Variants in ARHGAP17 observed in about 807,000 individuals in gnomAD.
ARHGAP17 encodes the protein Rho GTPase activating protein 17.
In ARHGAP17, 57 loss-of-function variants were observed where a neutral mutation model predicts 99.5. That is an observed-to-expected ratio of 0.57 (90% CI 0.46 to 0.71). ARHGAP17 has a LOEUF of 0.71. Ranked by LOEUF, ARHGAP17 falls within the 30% of genes least tolerant of loss-of-function variation. ARHGAP17 has a pLI of 0.00. For synonymous variants in ARHGAP17, 417 were observed against 429.6 expected (o/e 0.97, Z 0.36); for missense variants, 1,000 against 1,122.4 (o/e 0.89, Z 1.56).
At chr16:24,932,307 T>C (rs1222370982) in intron 18 of ARHGAP17, among the ~76,000 whole-genome samples, 2 of 152,172 alleles carry the variant, frequency 1.3e-5, no homozygotes, top group African/African-American at 4.8e-5. Flanking sequence ...ATTTTAAAAA[T>C]TAAGTACATT....
intron 19 of ARHGAP17, among the ~76,000 whole-genome samples, chr16:24,929,043 G>A (rs559219778): frequency 3.2e-4 from 49 of 152,214 alleles, no homozygotes; most frequent in African/African-American, 1.2e-3. Flanking sequence ...CGTGCTGACT[G>A]CACCTGGGTC....
chr16:24,959,458 G>A (rs1034072033), intron 9 of ARHGAP17, among the ~76,000 whole-genome samples: 7 of 152,194 alleles, frequency 4.6e-5, no homozygotes, highest in African/African-American at 1.2e-4. Flanking sequence ...GGTTTCAGAA[G>A]AACTACAAAT....
chr16:25,012,075 A>G (rs1018599635), intron 1 of ARHGAP17, among the ~76,000 whole-genome samples: 1 of 152,138 alleles, frequency 6.6e-6, no homozygotes, highest in Non-Finnish European at 1.5e-5. Flanking sequence ...CCATGCCCGT[A>G]TTCACCTTTG....
In ARHGAP17 at chr16:24,977,316, C is replaced by A; in HGVS notation, c.97G>T (p.Glu33Ter). 1 of 1,580,914 alleles carries A rather than the reference C, an allele frequency of 6.3e-7. No homozygotes were observed. The highest frequency in any genetic ancestry group is 1.2e-5 in the South Asian group (1 of 86,820). The change falls in exon 3 of 20, where the codon GAG (glutamate) becomes TAG (stop). Residue 33 changes from glutamate (E) to a stop codon, truncating the protein, a stop_gained. Transcript: ENST00000289968. LOFTEE classifies it high-confidence loss of function. ...EVLSEDLLQI[E>*]RRLDTVRSIC... is the part of the protein sequence containing the mutation. The stretch of plus-strand genomic sequence containing the variant: ...GACCGCACCGTGTCCAGGCGTCTCT[C>A]AATCTGACAAGGCAGAGACAAAAGA...
chr16:24,996,348 CGA>C (rs2053191503), intron 1 of ARHGAP17, among the ~76,000 whole-genome samples: 3 of 152,092 alleles, frequency 2.0e-5, no homozygotes, highest in Admixed American at 6.6e-5. Context: ...ATGGCAGGAG[CGA>C]GAGTCTTCTG....
rs116079067 is a variant in ARHGAP17 at position 25,007,173 on chromosome 16, T to C, written c.53+8036A>G. Reference sequence around the variant, plus strand: ...ATAAATAAGTTTAAAGTTTCAAATTTACAGATGAAAATTTCCTAATGGCTA... The same window carrying C: ...ATAAATAAGTTTAAAGTTTCAAATTCACAGATGAAAATTTCCTAATGGCTA... On this transcript the variant is annotated intron_variant, in intron 1 of 19. Coordinates refer to ENST00000289968, the MANE Select transcript of ARHGAP17 (RefSeq NM_001006634.3). Among the ~76,000 whole-genome samples the C allele has an allele frequency of 3.3e-3, 500 of 152,314 alleles. 1 individual carries two copies. Among genetic ancestry groups the C allele is most frequent in the African/African-American group, 0.012 (488 of 41,568 alleles).
At chr16:25,012,722 C>T (rs2053674017) in intron 1 of ARHGAP17, among the ~76,000 whole-genome samples, 1 of 152,192 alleles carries the variant, frequency 6.6e-6, no homozygotes, top group African/African-American at 2.4e-5. Flanking sequence ...AACAGGTTTC[C>T]CAGTTAAAAA....
At chr16:24,978,858 T>C in intron 2 of ARHGAP17, 108 bp downstream of exon 2, 1 of 745,384 alleles carries the variant, frequency 1.3e-6, no homozygotes, top group Non-Finnish European at 2.0e-6. Flanking sequence ...TTTTATTCTG[T>C]TTCTGGTTAA....
At chr16:24,923,728 A>T (rs5016383) in intron 19 of ARHGAP17, among the ~76,000 whole-genome samples, 2,064 of 8,584 alleles carry the variant, frequency 0.24, 42 homozygotes, top group African/African-American at 0.45. Context: ...TCTTTTTTTT[A>T]AAAAAAAAAA....
intron 19 of ARHGAP17, among the ~76,000 whole-genome samples, chr16:24,922,034 T>G (rs943876403): frequency 3.3e-5 from 5 of 152,264 alleles, no homozygotes; most frequent in Non-Finnish European, 7.3e-5. Flanking sequence ...CTTGGATGGT[T>G]GGATGGATGC....
At chr16:24,929,757 CAT>C (rs567528085) in intron 19 of ARHGAP17, 50 of 635,574 alleles carry the variant, frequency 7.9e-5, no homozygotes, top group South Asian at 4.9e-4. Context: ...CCATTTATAA[CAT>C]GTGCAAATTA....
intron 1 of ARHGAP17, among the ~76,000 whole-genome samples, chr16:24,982,316 A>G (rs2052696821): frequency 6.6e-6 from 1 of 152,032 alleles, no homozygotes; most frequent in Admixed American, 6.6e-5. Flanking sequence ...AGGCACGAGA[A>G]TTGCTTGAAC....
intron 1 of ARHGAP17, among the ~76,000 whole-genome samples, chr16:24,995,146 T>C (rs983571879): frequency 5.3e-5 from 8 of 152,172 alleles, no homozygotes; most frequent in African/African-American, 1.9e-4. Context: ...GGCCCGATAA[T>C]TAAATTACCT....
intron 1 of ARHGAP17, among the ~76,000 whole-genome samples, chr16:24,981,427 T>C (rs1022293219): frequency 2.0e-5 from 3 of 152,148 alleles, no homozygotes; most frequent in African/African-American, 7.2e-5. Flanking sequence ...TGAAAAATTA[T>C]AACTGTATTG....
chr16:24,931,343 C>G lies in ARHGAP17; in HGVS notation c.1956G>C (p.Gly652=), dbSNP rs202104703. Residue 652 remains glycine, a synonymous_variant, in exon 19 of 20, where the codon GGG becomes GGC. Transcript: ENST00000289968. ...GAGATGTTCCTGAAGAACTCTGGCCCCCGGGGTGGCCAGGAGGTGGGTTGC... is the reference window on the plus strand; with the variant it reads ...GAGATGTTCCTGAAGAACTCTGGCCGCCGGGGTGGCCAGGAGGTGGGTTGC... The part of the protein sequence containing the change: ...KPGNPPPGHP[G]GQSSSGTSQH... 1.2e-4 allele frequency: 183 copies of G among 1,499,100 alleles called. 2 individuals carry two copies. In the East Asian group the frequency reaches 3.0e-3, roughly 25 times the overall value. The allele number at this position is 1,499,100 out of a possible 1,614,324, so 92.9% of individuals were successfully genotyped here.
intron 7 of ARHGAP17, among the ~76,000 whole-genome samples, chr16:24,962,145 A>G (rs2141279505): frequency 6.6e-6 from 1 of 151,962 alleles, no homozygotes; most frequent in South Asian, 2.1e-4. Flanking sequence ...CAACCCCACC[A>G]TACACACACA....
At chr16:24,983,002 T>A (rs1323049916) in intron 1 of ARHGAP17, among the ~76,000 whole-genome samples, 1,978 of 20,756 alleles carry the variant, frequency 0.095, 41 homozygotes, top group South Asian at 0.16. Context: ...ATATATTTTT[T>A]TTTTTTTTTT....
chr16:24,986,074 G>A (rs931272621), intron 1 of ARHGAP17, among the ~76,000 whole-genome samples: 20 of 152,234 alleles, frequency 1.3e-4, no homozygotes, highest in Admixed American at 9.8e-4. Context: ...GTTGAAGACC[G>A]TCAAACCTCC....
intron 13 of ARHGAP17, chr16:24,948,940 T>A (rs2051552483): frequency 6.6e-6 from 1 of 152,266 alleles, no homozygotes. Context: ...GTAAATTTTC[T>A]TAAAACCACA....
Sources: allele counts gnomAD v4.1 joint callset (sites outside exome capture counted in the v4.1 genomes callset), GRCh38; gene constraint gnomAD v4.1.1; transcripts MANE v1.5; gene names NCBI Gene and HGNC (gene_info 2026-07-23, HGNC 2026-07-21).